BCLAF3: variants seen among roughly 807,000 people sequenced by gnomAD.
BCLAF3 encodes transient octamer binding factor 1.
In BCLAF3, 24 loss-of-function variants were observed where a neutral mutation model predicts 51.2. The observed-to-expected ratio is 0.47, with a 90% confidence interval of 0.34 to 0.66. The LOEUF (loss-of-function observed/expected upper bound fraction) is 0.66, where lower values mean the gene tolerates loss of function less well. Among genes scored for constraint, BCLAF3 ranks in the 30% least tolerant of loss-of-function variants. The pLI, the probability that BCLAF3 is intolerant of heterozygous loss-of-function variation, is 0.01. For missense variants in BCLAF3, 465 were observed against 525.1 expected, an observed-to-expected ratio of 0.89 and a Z score of 1.12; for synonymous variants, 152 against 176.6, an observed-to-expected ratio of 0.86 and a Z score of 1.10.
At chrX:19,964,472 C>A (rs1342502487) in intron 4 of BCLAF3, among the ~76,000 whole-genome samples, 1 of 110,550 alleles carries the variant, frequency 9.0e-6, no homozygotes, top group Non-Finnish European at 1.9e-5. Flanking sequence ...GTTGGTTGAG[C>A]CCCAGTCATT....
At chrX:19,928,863 T>C (rs2070448738) in intron 11 of BCLAF3, 1 of 110,796 alleles carries the variant, frequency 9.0e-6, no homozygotes, top group Non-Finnish European at 1.9e-5. Flanking sequence ...ACACGTGGCA[T>C]CTAAAAAAAA....
intron 1 of BCLAF3, among the ~76,000 whole-genome samples, chrX:19,987,247 G>C (rs1471486046): frequency 9.0e-6 from 1 of 111,462 alleles, no homozygotes; most frequent in African/African-American, 3.3e-5. Flanking sequence ...CAAATAACGT[G>C]GTCAATTTTT....
intron 1 of BCLAF3, among the ~76,000 whole-genome samples, chrX:19,987,861 C>T (rs952416004): frequency 1.8e-5 from 2 of 111,850 alleles, no homozygotes; most frequent in South Asian, 3.7e-4. Context: ...CTCCATTTCA[C>T]GAGTGAATAA....
chrX:19,940,702 G>T lies in BCLAF3; in HGVS notation c.1746-3170C>A, dbSNP rs761949267. On this transcript the variant is annotated intron_variant, in intron 8 of 11. Transcript: ENST00000379682. Reference sequence around the variant, plus strand: ...ACATTTGGGTTGGTTCCAAGTCTTTGCTATTGTGAATAATGCCGCAATAAA... The same window carrying T: ...ACATTTGGGTTGGTTCCAAGTCTTTTCTATTGTGAATAATGCCGCAATAAA... Among the ~76,000 whole-genome samples, 940 of 107,943 alleles carry T rather than the reference G, an allele frequency of 8.7e-3. 11 individuals carry two copies. Among genetic ancestry groups the T allele is most frequent in the African/African-American group, 0.029 (863 of 29,545 alleles). The allele number at this position is 107,943 out of a possible 115,157, so 93.7% of individuals were successfully genotyped here. A position where few individuals can be genotyped will look rare whatever the true frequency, so the allele number is the denominator to read the frequency against.
chrX:19,919,860 A>C (rs2070078729), intron 11 of BCLAF3, among the ~76,000 whole-genome samples: 1 of 106,992 alleles, frequency 9.3e-6, no homozygotes, highest in Non-Finnish European at 1.9e-5. Flanking sequence ...TCGTCTCAAA[A>C]AAAAAAAAAA....
intron 1 of BCLAF3, among the ~76,000 whole-genome samples, chrX:19,986,797 T>G (rs1312040523): frequency 1.2e-5 from 1 of 86,907 alleles, no homozygotes; most frequent in East Asian, 3.4e-4. Context: ...CTTGAGTCGG[T>G]TTTTTTTTTT....
rs58442337 is a variant in BCLAF3, at chrX:19,951,595, CAA to C, written c.1630-729_1630-728del. Among the ~76,000 whole-genome samples the C allele has an allele frequency of 8.1e-3, 309 of 37,965 alleles. 7 individuals are homozygous for C. Among genetic ancestry groups the C allele is most frequent in the African/African-American group, 0.037 (273 of 7,462 alleles). 33.0% of individuals were successfully genotyped at this position (37,965 alleles called of 115,157 possible). ...AGGGTGACAGAGTGAGACTCTGTCG[CAA>C]AAAAAAAAAAAAAGAAACAAACAAA... On this transcript the variant is annotated intron_variant, in intron 7 of 11. Coordinates refer to ENST00000379682, the MANE Select transcript of BCLAF3 (RefSeq NM_001367774.2).
At chrX:19,958,342 C>T (rs1345523874) in intron 4 of BCLAF3, among the ~76,000 whole-genome samples, 1 of 111,860 alleles carries the variant, frequency 8.9e-6, no homozygotes, top group African/African-American at 3.3e-5. Flanking sequence ...CCAACAACAA[C>T]CAAAACCAAC....
chrX:19,955,472 G>A lies in BCLAF3; in HGVS notation c.1369C>T (p.Leu457Phe). ...SENFHPVFEH[L>F]DSTQNTENKP... ...TTTTCAGTATTCTGAGTTGAGTCAAGATGTTCAAACACTGGATGAAAGTTC... is the reference window on the plus strand; with the variant it reads ...TTTTCAGTATTCTGAGTTGAGTCAAAATGTTCAAACACTGGATGAAAGTTC... The change falls in exon 5 of 12, where the codon CTT becomes TTT. Residue 457 changes from leucine (L) to phenylalanine (F), a missense_variant. Coordinates refer to ENST00000379682, the MANE Select transcript of BCLAF3 (RefSeq NM_001367774.2). 8.3e-7 allele frequency: 1 copy of A among 1,203,823 alleles called. No individual in the cohort carries two copies. Among genetic ancestry groups the A allele is most frequent in the Non-Finnish European group, 1.1e-6 (1 of 891,688 alleles).
chrX:19,955,957 CCA>C (rs1395665687), intron 4 of BCLAF3, among the ~76,000 whole-genome samples: 1 of 112,106 alleles, frequency 8.9e-6, no homozygotes, highest in Non-Finnish European at 1.9e-5. Context: ...TGAAATACTA[CCA>C]CACTTTAAAA....
chrX:19,966,953 A>G (rs2072080707), intron 2 of BCLAF3, among the ~76,000 whole-genome samples: 1 of 111,215 alleles, frequency 9.0e-6, no homozygotes, highest in South Asian at 3.8e-4. Context: ...TCCATTTTGG[A>G]AGACTGCTGA....
chrX:19,964,253 G>A (rs745523545), intron 4 of BCLAF3, among the ~76,000 whole-genome samples: 1 of 111,310 alleles, frequency 9.0e-6, no homozygotes, highest in African/African-American at 3.3e-5. Flanking sequence ...TTAGTTTTAG[G>A]CCAACTGCAG....
chrX:19,963,447 G>A (rs1019843234), intron 4 of BCLAF3, among the ~76,000 whole-genome samples: 3 of 110,967 alleles, frequency 2.7e-5, no homozygotes, highest in African/African-American at 9.8e-5. Context: ...TAAGACATAT[G>A]TAAAAAGATG....
chrX:19,919,141 G>A (rs2070038544), intron 11 of BCLAF3, among the ~76,000 whole-genome samples: 1 of 111,407 alleles, frequency 9.0e-6, no homozygotes, highest in Non-Finnish European at 1.9e-5. Flanking sequence ...ACATCCTCCT[G>A]CCAAACATGG....
At chrX:19,960,400 T>C (rs1198997935) in intron 4 of BCLAF3, among the ~76,000 whole-genome samples, 1 of 110,612 alleles carries the variant, frequency 9.0e-6, no homozygotes. Context: ...CAGTGGTCCA[T>C]AGGAAGACAA....
At chrX:19,954,884 A>T (rs1257296733) in intron 5 of BCLAF3, among the ~76,000 whole-genome samples, 8 of 111,913 alleles carry the variant, frequency 7.1e-5, no homozygotes, top group African/African-American at 2.6e-4. Context: ...AATGCAAACC[A>T]TTAAAAGTAT....
intron 11 of BCLAF3, among the ~76,000 whole-genome samples, chrX:19,924,834 T>A (rs2070308569): frequency 9.0e-6 from 1 of 111,215 alleles, no homozygotes; most frequent in Non-Finnish European, 1.9e-5. Context: ...ATCTAGTATA[T>A]AATCAGACTC....
At chrX:19,984,661 T>A (rs1211462546) in intron 1 of BCLAF3, among the ~76,000 whole-genome samples, 5 of 111,312 alleles carry the variant, frequency 4.5e-5, no homozygotes, top group African/African-American at 1.6e-4. Flanking sequence ...ATTAAGCAAC[T>A]CCTGGGTATT....
At chrX:19,922,442 A>T (rs762967880) in intron 11 of BCLAF3, among the ~76,000 whole-genome samples, 80 of 112,311 alleles carry the variant, frequency 7.1e-4, no homozygotes, top group Non-Finnish European at 1.1e-3. Flanking sequence ...TAAACTAATT[A>T]AAAAAATGCA....
Sources: gnomAD v4.1 joint callset for allele counts (sites outside exome capture counted in the v4.1 genomes callset) on GRCh38, gnomAD v4.1.1 for gene constraint, MANE v1.5 for transcripts, NCBI Gene and HGNC (gene_info 2026-07-23, HGNC 2026-07-21) for gene names.